PKNOX2: variants seen among roughly 807,000 people sequenced by gnomAD.
PKNOX2 encodes homeobox protein PKNOX2.
Under a neutral mutation model 53.1 loss-of-function variants are expected in PKNOX2, and 14 were observed. The ratio of observed to expected loss-of-function variants is 0.26; its 90% CI spans 0.17 to 0.41. The LOEUF (loss-of-function observed/expected upper bound fraction) is 0.41, where lower values mean the gene tolerates loss of function less well. PKNOX2 is among the 10% of genes least tolerant of loss of function. PKNOX2 has a pLI of 1.00. For synonymous variants in PKNOX2, 257 were observed against 242.8 expected (o/e 1.06, Z -0.54); for missense variants, 496 against 602.8 (o/e 0.82, Z 1.85).
At chr11:125,170,171 A>C (rs1391171441) in intron 1 of PKNOX2, among the ~76,000 whole-genome samples, 1 of 152,186 alleles carries the variant, frequency 6.6e-6, no homozygotes, top group Non-Finnish European at 1.5e-5. Context: ...ATTCTGGGCC[A>C]GAAAGCCCAA....
chr11:125,267,242 T>C (rs11601089), intron 2 of PKNOX2, among the ~76,000 whole-genome samples: 8,255 of 152,224 alleles, frequency 0.054, 393 homozygotes, highest in East Asian at 0.26. Flanking sequence ...ACCAAACTCC[T>C]CCCCTTGTGC....
chr11:125,197,775 G>A (rs144944922), intron 1 of PKNOX2, among the ~76,000 whole-genome samples: 45 of 152,288 alleles, frequency 3.0e-4, no homozygotes, highest in African/African-American at 2.6e-4. Flanking sequence ...TACGGCTGCC[G>A]GTGCAGAGCT....
intron 7 of PKNOX2, 73 bp from the exon 8 acceptor site, chr11:125,410,123 G>T: frequency 6.4e-7 from 1 of 1,562,978 alleles, no homozygotes; most frequent in Non-Finnish European, 8.7e-7. Context: ...GGAAAGGACG[G>T]AAGAGGACTC....
At chr11:125,341,527 T>C (rs1256411144) in intron 3 of PKNOX2, among the ~76,000 whole-genome samples, 1 of 152,178 alleles carries the variant, frequency 6.6e-6, no homozygotes. Flanking sequence ...TCTTGTCTGC[T>C]GGGGGGAACA....
At chr11:125,178,577 G>GAAAGAAAGAAA (rs1565462257) in intron 1 of PKNOX2, among the ~76,000 whole-genome samples, 21 of 34,094 alleles carry the variant, frequency 6.2e-4, no homozygotes, top group East Asian at 3.3e-3. Context: ...AAGGAAGGAA[G>GAAAGAAAGAAA]GAAGGAAGGA....
chr11:125,281,754 A>T (rs1472088370), intron 2 of PKNOX2, among the ~76,000 whole-genome samples: 4 of 152,234 alleles, frequency 2.6e-5, no homozygotes, highest in African/African-American at 9.7e-5. Flanking sequence ...AGCTTAAAGA[A>T]GGAACAGCAA....
chr11:125,189,441 GTGTGTGTATATATATATATATATATA>G (rs1370731539), intron 1 of PKNOX2, among the ~76,000 whole-genome samples: 2 of 57,982 alleles, frequency 3.4e-5, no homozygotes, highest in Non-Finnish European at 6.4e-5. Context: ...GTGTGTGTGT[GTGTGTGTATATATATATATATATATA>G]TATATATATA....
At chr11:125,254,631 G>T (rs1944275043) in intron 2 of PKNOX2, among the ~76,000 whole-genome samples, 1 of 152,154 alleles carries the variant, frequency 6.6e-6, no homozygotes, top group Admixed American at 6.5e-5. Context: ...TTGTGTAGGG[G>T]ATCACAACCG....
chr11:125,403,548 T>C (rs552808866), intron 7 of PKNOX2, among the ~76,000 whole-genome samples: 4 of 152,280 alleles, frequency 2.6e-5, no homozygotes, highest in Non-Finnish European at 4.4e-5. Flanking sequence ...TTCTCCATTT[T>C]ACATCCAAGA....
chr11:125,394,608 C>T (rs1255080051), intron 6 of PKNOX2, among the ~76,000 whole-genome samples: 2 of 152,246 alleles, frequency 1.3e-5, no homozygotes, highest in Non-Finnish European at 2.9e-5. Context: ...CTTCTCTACA[C>T]ACACCTCACA....
intron 12 of PKNOX2, 143 bp from the exon 13 acceptor site, chr11:125,431,023 C>T: frequency 7.1e-7 from 1 of 1,415,864 alleles, no homozygotes; most frequent in Non-Finnish European, 9.3e-7. Flanking sequence ...CATACCAGGG[C>T]ATTGTCCAGC....
chr11:125,207,152 A>T (rs996163095), intron 1 of PKNOX2, among the ~76,000 whole-genome samples: 1 of 152,018 alleles, frequency 6.6e-6, no homozygotes, highest in Non-Finnish European at 1.5e-5. Flanking sequence ...CACAGGAAAC[A>T]TAAGAGGAAA....
At chr11:125,322,302 T>A (rs1430524009) in intron 2 of PKNOX2, among the ~76,000 whole-genome samples, 1 of 152,012 alleles carries the variant, frequency 6.6e-6, no homozygotes, top group Non-Finnish European at 1.5e-5. Flanking sequence ...TGGAGAAAAA[T>A]GGGGAACAGC....
intron 2 of PKNOX2, among the ~76,000 whole-genome samples, chr11:125,285,660 C>A (rs1946849972): frequency 6.6e-6 from 1 of 152,212 alleles, no homozygotes; most frequent in South Asian, 2.1e-4. Context: ...AGATTCTATG[C>A]AGTGGTGTGC....
At chr11:125,319,205 G>A (rs532817062) in intron 2 of PKNOX2, among the ~76,000 whole-genome samples, 38 of 152,090 alleles carry the variant, frequency 2.5e-4, no homozygotes, top group Non-Finnish European at 4.4e-4. Flanking sequence ...ATATTGTTGT[G>A]CCTCACACAC....
chr11:125,278,601 G>T (rs1293346785), intron 2 of PKNOX2, among the ~76,000 whole-genome samples: 1 of 152,204 alleles, frequency 6.6e-6, no homozygotes, highest in East Asian at 1.9e-4. Context: ...TTGCGACGGA[G>T]ATGTGGTGCC....
intron 2 of PKNOX2, among the ~76,000 whole-genome samples, chr11:125,298,721 C>G (rs1424817558): frequency 1.3e-5 from 2 of 152,148 alleles, no homozygotes; most frequent in Non-Finnish European, 2.9e-5. Flanking sequence ...ATGAATGAAG[C>G]CTACAGTGCA....
chr11:125,323,222 C>T (rs1166548439), intron 2 of PKNOX2, among the ~76,000 whole-genome samples: 2 of 152,094 alleles, frequency 1.3e-5, no homozygotes, highest in African/African-American at 4.8e-5. Context: ...GCTTTGAGCC[C>T]AGGTCAAAAT....
chr11:125,418,532 G>T lies in PKNOX2; in HGVS notation c.936+6667G>T, dbSNP rs542923048. Among the ~76,000 whole-genome samples, 384 of 152,078 alleles carry T rather than the reference G, an allele frequency of 2.5e-3. 16 individuals are homozygous for T. The highest frequency in any genetic ancestry group is 8.8e-3 in the African/African-American group (364 of 41,344). On this transcript the variant is annotated intron_variant, in intron 10 of 12. Transcript: ENST00000298282. ...CTGGCTGGGGGGAGGCAGAGCGGCT[G>T]TACCCCAGGAACAGCGGGTGCACTG...
Sources: allele counts gnomAD v4.1 joint callset (sites outside exome capture counted in the v4.1 genomes callset), GRCh38; gene constraint gnomAD v4.1.1; transcripts MANE v1.5; gene names NCBI Gene and HGNC (gene_info 2026-07-23, HGNC 2026-07-21).